The following UBAP2L variants were observed in gnomAD, a reference collection of about 807,000 sequenced individuals.
UBAP2L encodes ubiquitin-associated protein 2-like.
Under a neutral mutation model 130.6 loss-of-function variants are expected in UBAP2L, and 12 were observed. That is an observed-to-expected ratio of 0.09 (90% CI 0.06 to 0.15). The LOEUF (loss-of-function observed/expected upper bound fraction) is 0.15, where lower values mean the gene tolerates loss of function less well. Among genes scored for constraint, UBAP2L ranks in the 10% least tolerant of loss-of-function variants. UBAP2L has a pLI of 1.00. For synonymous variants in UBAP2L, 503 were observed against 524.7 expected, an observed-to-expected ratio of 0.96 and a Z score of 0.57; for missense variants, 965 against 1,332.5, an observed-to-expected ratio of 0.72 and a Z score of 4.29.
intron 6 of UBAP2L, among the ~76,000 whole-genome samples, chr1:154,235,761 C>T (rs757691095): frequency 7.2e-5 from 11 of 152,034 alleles, no homozygotes; most frequent in African/African-American, 1.5e-4. Context: ...GCGCCCGCCT[C>T]GCTAATTTTT....
intron 1 of UBAP2L, 39 bp from the exon 2 acceptor site, chr1:154,225,045 G>T (rs756500389): frequency 3.6e-6 from 5 of 1,403,580 alleles, no homozygotes; most frequent in Non-Finnish European, 5.0e-6. Context: ...AACATATTTT[G>T]CCCACATTTA....
chr1:154,259,060 G>A (rs760756382), intron 21 of UBAP2L, 30 bp downstream of exon 21: 3 of 1,597,498 alleles, frequency 1.9e-6, no homozygotes, highest in South Asian at 2.2e-5. Flanking sequence ...CTTTGGAAAA[G>A]AAAGTAGTCT....
chr1:154,256,822 C>T (rs541788795), intron 18 of UBAP2L, among the ~76,000 whole-genome samples: 3 of 152,246 alleles, frequency 2.0e-5, no homozygotes, highest in African/African-American at 7.2e-5. Context: ...TCTTTCTGAA[C>T]AGGATGATGA....
intron 11 of UBAP2L, among the ~76,000 whole-genome samples, chr1:154,247,956 T>A (rs1018165973): frequency 1.3e-5 from 2 of 151,672 alleles, no homozygotes; most frequent in Non-Finnish European, 2.9e-5. Context: ...TAATTGTTTT[T>A]ATTTTTTATT....
At chr1:154,220,522 T>C, upstream of UBAP2L, 1 of 1,201,214 alleles carries the variant, frequency 8.3e-7, no homozygotes. Flanking sequence ...GGCCATTTCC[T>C]TACGGGGGAA....
chr1:154,270,243 A>G lies in UBAP2L; in HGVS notation c.3212A>G (p.Lys1071Arg), dbSNP rs1416454064. The G allele has an allele frequency of 6.2e-7, 1 of 1,613,346 alleles. No individual in the cohort carries two copies. Among genetic ancestry groups the G allele is most frequent in the Admixed American group, 1.7e-5 (1 of 59,938 alleles). ...AGCCAGACCAGCTCCATCCCGCAGA[A>G]GCCCCAGACCAACAAGTCTGCCTAC... ...QRSQTSSIPQ[K>R]PQTNKSAYNS... is the part of the protein sequence containing the mutation. Residue 1071 changes from lysine to arginine, a missense_variant, in exon 27 of 27, where the codon AAG (lysine) becomes AGG (arginine). This residue lies in a region of UBAP2L where 194 missense variants were observed against 334.0 expected (regional missense o/e 0.58). Coordinates refer to ENST00000428931, the MANE Select transcript of UBAP2L (RefSeq NM_014847.4).
chr1:154,262,751 A>T (rs1422859097), intron 24 of UBAP2L, among the ~76,000 whole-genome samples: 2 of 152,092 alleles, frequency 1.3e-5, no homozygotes, highest in Admixed American at 1.3e-4. Context: ...ACAAATCCTG[A>T]GAAGCCCCAT....
chr1:154,224,079 G>GGAACTT (rs1667189322), intron 1 of UBAP2L, among the ~76,000 whole-genome samples: 1 of 152,150 alleles, frequency 6.6e-6, no homozygotes, highest in African/African-American at 2.4e-5. Flanking sequence ...ATGAACTAAA[G>GGAACTT]GAACTTGAAT....
chr1:154,225,714 G>A (rs1026814681), intron 2 of UBAP2L, among the ~76,000 whole-genome samples: 7 of 152,146 alleles, frequency 4.6e-5, no homozygotes, highest in African/African-American at 1.4e-4. Flanking sequence ...ATAGGTGTGA[G>A]TCACTGCCCG....
chr1:154,261,730 CTGTGGGGTGTTATT>C, intron 24 of UBAP2L, 33 bp downstream of exon 24: 1 of 1,601,052 alleles, frequency 6.2e-7, no homozygotes, highest in Non-Finnish European at 8.6e-7. Flanking sequence ...TCGGTGTTAT[CTGTGGGGTGTTATT>C]GGATAAATTT....
At chr1:154,261,258 G>A (rs1681440737) in intron 23 of UBAP2L, 149 bp downstream of exon 23, 1 of 946,970 alleles carries the variant, frequency 1.1e-6, no homozygotes, top group Non-Finnish European at 1.5e-6. Context: ...GCAGGGTGGT[G>A]GGGGAATGGG....
intron 11 of UBAP2L, among the ~76,000 whole-genome samples, chr1:154,247,968 A>T (rs967993485): frequency 1.0e-4 from 15 of 147,452 alleles, no homozygotes; most frequent in South Asian, 6.6e-4. Flanking sequence ...TTTTTTATTT[A>T]TTTTTTATTT....
At chr1:154,235,460 C>T (rs1671335451) in intron 6 of UBAP2L, among the ~76,000 whole-genome samples, 169 bp downstream of exon 6, 1 of 152,112 alleles carries the variant, frequency 6.6e-6, no homozygotes, top group Non-Finnish European at 1.5e-5. Context: ...TCAAGTGATC[C>T]TCCTGCCTCA....
chr1:154,227,051 C>T (rs776594130), intron 2 of UBAP2L, among the ~76,000 whole-genome samples: 1 of 152,156 alleles, frequency 6.6e-6, no homozygotes, highest in Non-Finnish European at 1.5e-5. Context: ...TCAAACTACT[C>T]ACATCAGGTG....
chr1:154,230,976 G>A (rs1165180634), intron 4 of UBAP2L, among the ~76,000 whole-genome samples: 3 of 152,206 alleles, frequency 2.0e-5, no homozygotes, highest in South Asian at 2.1e-4. Context: ...AAGCTGTTTT[G>A]AGTCTAGCTT....
chr1:154,257,445 C>T lies in UBAP2L; in HGVS notation c.2442+11C>T. 1 of 1,612,010 alleles carries T rather than the reference C, an allele frequency of 6.2e-7. No homozygotes were observed. Among genetic ancestry groups the T allele is most frequent in the African/African-American group, 1.3e-5 (1 of 74,960 alleles). Reference sequence around the variant, plus strand: ...TTACATGCCTACCCGGTAAGTGGGACTAAAGGATCTTCTTCAAAAGGTGAG... The same window carrying T: ...TTACATGCCTACCCGGTAAGTGGGATTAAAGGATCTTCTTCAAAAGGTGAG... On this transcript the variant is annotated intron_variant, in intron 20 of 26. Coordinates refer to ENST00000428931, the MANE Select transcript of UBAP2L (RefSeq NM_014847.4).
At chr1:154,243,681 G>A (rs192097747) in intron 10 of UBAP2L, among the ~76,000 whole-genome samples, 11 of 152,038 alleles carry the variant, frequency 7.2e-5, no homozygotes, top group East Asian at 3.9e-4. Flanking sequence ...GGCTGGTCTC[G>A]AACTCCTGAC....
At chr1:154,228,126 G>T (rs1340460383) in intron 3 of UBAP2L, among the ~76,000 whole-genome samples, 1 of 151,586 alleles carries the variant, frequency 6.6e-6, no homozygotes, top group Non-Finnish European at 1.5e-5. Context: ...GGCGGGGGTT[G>T]GGGGGGTGGT....
rs540882636 is a variant in UBAP2L at position 154,266,421 on chromosome 1, T to C, written c.2903-80T>C. ...CTTGCATTGGTATAGCTAGAAAGGC[T>C]ACAGATATCACCTCATCTCAGGAAT... is the stretch of plus-strand genomic sequence containing the variant. On this transcript the variant is annotated intron_variant, in intron 24 of 26. Coordinates refer to ENST00000428931, the MANE Select transcript of UBAP2L (RefSeq NM_014847.4). The C allele has an allele frequency of 1.6e-4, 239 of 1,456,010 alleles. No homozygotes were observed. In the African/African-American group the frequency reaches 2.7e-3, roughly 16 times the overall value. 90.2% of individuals were successfully genotyped at this position (1,456,010 alleles called of 1,614,324 possible). A position where few individuals can be genotyped will look rare whatever the true frequency, so the allele number is the denominator to read the frequency against.
Sources: gnomAD v4.1 joint callset for allele counts (sites outside exome capture counted in the v4.1 genomes callset) on GRCh38, gnomAD v4.1.1 for gene constraint, gnomAD v4.1.1 regional missense constraint, MANE v1.5 for transcripts, NCBI Gene and HGNC (gene_info 2026-07-23, HGNC 2026-07-21) for gene names.